The following MAP4 variants were observed in gnomAD, a reference collection of about 807,000 sequenced individuals.
MAP4 encodes microtubule associated protein 4.
In MAP4, 76 loss-of-function variants were observed where a neutral mutation model predicts 170.2. The ratio of observed to expected loss-of-function variants is 0.45; its 90% CI spans 0.37 to 0.54. The LOEUF (loss-of-function observed/expected upper bound fraction) is 0.54. Among genes scored for constraint, MAP4 ranks in the 20% least tolerant of loss-of-function variants. The probability of loss-of-function intolerance (pLI) is 0.00; values close to 1 mark genes in which losing one functional copy is unlikely to be tolerated. For missense variants in MAP4, 2,506 were observed against 2,748.0 expected, an observed-to-expected ratio of 0.91 and a Z score of 1.97; for synonymous variants, 909 against 994.5, an observed-to-expected ratio of 0.91 and a Z score of 1.62.
At chr3:48,075,393 T>C (rs1288582999) in intron 1 of MAP4, among the ~76,000 whole-genome samples, 2 of 151,678 alleles carry the variant, frequency 1.3e-5, no homozygotes, top group Non-Finnish European at 2.9e-5. Context: ...GGTGTGGTGG[T>C]GCATGCCTGT....
At chr3:47,997,268 GA>G (rs1264743807) in intron 2 of MAP4, among the ~76,000 whole-genome samples, 2 of 93,010 alleles carry the variant, frequency 2.2e-5, no homozygotes, top group East Asian at 5.8e-4. Flanking sequence ...AAGAAGCTCA[GA>G]AAAGCCCAAG....
chr3:48,004,311 G>C (rs1184781185), intron 1 of MAP4, among the ~76,000 whole-genome samples: 1 of 152,162 alleles, frequency 6.6e-6, no homozygotes, highest in African/African-American at 2.4e-5. Context: ...ACTATTTAGA[G>C]AGTTATGCAA....
At chr3:48,073,252 T>TACACACACACAC (rs35163339) in intron 1 of MAP4, among the ~76,000 whole-genome samples, 2 of 134,480 alleles carry the variant, frequency 1.5e-5, no homozygotes, top group Non-Finnish European at 3.1e-5. Context: ...TCCAAAGGAA[T>TACACACACACAC]ACACACACAC....
chr3:48,073,248 G>C (rs1323445969), intron 1 of MAP4, among the ~76,000 whole-genome samples: 1 of 123,554 alleles, frequency 8.1e-6, no homozygotes, highest in Non-Finnish European at 1.6e-5. Context: ...GAAATCCAAA[G>C]GAATACACAC....
At chr3:47,862,553 C>T (rs2069171317) in intron 17 of MAP4, among the ~76,000 whole-genome samples, 1 of 152,056 alleles carries the variant, frequency 6.6e-6, no homozygotes, top group African/African-American at 2.4e-5. Context: ...TCTTGCCTCA[C>T]TGCAACCTCT....
intron 10 of MAP4, among the ~76,000 whole-genome samples, chr3:47,894,509 C>T (rs1243786044): frequency 2.6e-5 from 4 of 151,798 alleles, no homozygotes; most frequent in African/African-American, 7.2e-5. Context: ...CGTGAACCCA[C>T]GAGGCGGAGC....
At chr3:47,906,084 CAAA>C (rs536980998) in intron 9 of MAP4, among the ~76,000 whole-genome samples, 1 of 129,302 alleles carries the variant, frequency 7.7e-6, no homozygotes. Context: ...TACACATAAC[CAAA>C]AAAAAAAAAA....
At position 48,076,423 on chromosome 3, in the gene MAP4, A is replaced by G. The variant is rs1434580429; in HGVS notation, c.-20+12350T>C. On this transcript the variant is annotated intron_variant, in intron 1 of 18. Transcript: ENST00000360240. The stretch of plus-strand genomic sequence containing the variant: ...AGGCTGAGGCAGGAGAATGGCATGA[A>G]CCCGGGAGGTGGAGCTTACAGTGAG... Among the ~76,000 whole-genome samples the G allele has an allele frequency of 2.0e-5, 3 of 151,556 alleles. No individual in the cohort carries two copies. In the South Asian group the frequency reaches 6.2e-4, roughly 32 times the overall value.
Position 47,911,491 on chromosome 3 carries a change from A to T in MAP4, c.2930T>A (p.Ile977Lys). Residue 977 changes from isoleucine to lysine, a missense_variant, in exon 9 of 21, where the codon ATA (isoleucine) becomes AAA (lysine). By Grantham distance (102) the Ile-to-Lys change is moderately radical. Around this residue, in one of 3 missense-constraint regions of MAP4, gnomAD observed 2,008 missense variants for 2,206.0 expected, o/e 0.91. Coordinates refer to ENST00000683076, the MANE Select transcript of MAP4 (RefSeq NM_001385682.1). This position sits in a 1 kb window ranked among gnomAD's most constrained non-coding sequence, Gnocchi z 4.0. ...ATTACATTCTAATGGATTACTTGCT[A>T]TCAAAGTGGGTACCAAATTTGGTAT... is the stretch of plus-strand genomic sequence containing the variant. ...KEIPNLVPTL[I>K]ASNPLECNLK... 3 of 1,535,962 alleles carry T rather than the reference A, an allele frequency of 2.0e-6. No individual in the cohort carries two copies. Among genetic ancestry groups the T allele is most frequent in the Non-Finnish European group, 2.6e-6 (3 of 1,146,846 alleles).
rs2100036115 is a variant in MAP4, at chr3:47,911,860, A to G, written c.2561T>C (p.Leu854Pro). Residue 854 changes from leucine (L) to proline (P), a missense_variant, in exon 9 of 21, where the codon CTC becomes CCC. By Grantham distance (98) the Leu-to-Pro change is moderately conservative (BLOSUM62 -3). Transcript: ENST00000683076. This position sits in a 1 kb window ranked among gnomAD's most constrained non-coding sequence, Gnocchi z 4.0. Reference protein sequence around the residue: ...LVAENFVSESLRIPLYPSEEA... With the variant: ...LVAENFVSESPRIPLYPSEEA... ...TTCAGAAGGATATAAAGGAATTCTGAGACTCTCTGAGACAAAGTTCTCAGC... is the reference window on the plus strand; with the variant it reads ...TTCAGAAGGATATAAAGGAATTCTGGGACTCTCTGAGACAAAGTTCTCAGC... The G allele has an allele frequency of 8.5e-6, 13 of 1,536,150 alleles. No homozygotes were observed. Among genetic ancestry groups the G allele is most frequent in the Non-Finnish European group, 1.1e-5 (13 of 1,146,918 alleles).
At position 48,000,761 on chromosome 3, in the gene MAP4, T is replaced by C. The variant is rs1310572063; in HGVS notation, c.-19-1882A>G. ...TACACAGTCTTTCTCCAACCCAAAC[T>C]TGAAAAAGTAAAAATATACTATGAT... is the stretch of plus-strand genomic sequence containing the variant. On this transcript the variant is annotated intron_variant, in intron 1 of 20. Transcript: ENST00000683076. Among the ~76,000 whole-genome samples the C allele has an allele frequency of 3.3e-5, 5 of 152,296 alleles. No individual in the cohort carries two copies. In the South Asian group the frequency reaches 1.0e-3, roughly 32 times the overall value.
chr3:47,951,535 G>A (rs1421943892), intron 3 of MAP4, among the ~76,000 whole-genome samples: 1 of 152,212 alleles, frequency 6.6e-6, no homozygotes, highest in Non-Finnish European at 1.5e-5. Flanking sequence ...TTTTTTTGGT[G>A]GAGACAGGGT....
At chr3:47,890,591 C>A (rs2098384131) in intron 10 of MAP4, among the ~76,000 whole-genome samples, 1 of 151,966 alleles carries the variant, frequency 6.6e-6, no homozygotes, top group Non-Finnish European at 1.5e-5. Context: ...TATAAAGTGA[C>A]AGATTTTCAA....
Position 47,911,416 on chromosome 3 carries a change from T to G in MAP4, c.3005A>C (p.Lys1002Thr), listed in dbSNP as rs898376395. 5 of 1,536,066 alleles carry G rather than the reference T, an allele frequency of 3.3e-6. No individual in the cohort carries two copies. In the African/African-American group the frequency reaches 6.8e-5, roughly 21 times the overall value. The change falls in exon 9 of 21, where the codon AAA becomes ACA. Residue 1002 changes from lysine to threonine, a missense_variant. Physicochemically the swap from Lys to Thr is moderately conservative, Grantham distance 78. This residue lies in a region of MAP4 where 2,008 missense variants were observed against 2,206.0 expected (regional missense o/e 0.91). Transcript: ENST00000683076. The surrounding 1 kb of genome is among the most constrained non-coding windows in gnomAD (Gnocchi z 4.0). ...ESKMTKLQNV[K>T]LKEFPEGAEE... ...AGCTCCTTCAGGAAACTCCTTCAGT[T>G]TGACATTCTGCAGTTTAGTCATTTT...
chr3:47,955,561 T>C lies in MAP4; in HGVS notation c.292+22304A>G, dbSNP rs1295697853. On this transcript the variant is annotated intron_variant, in intron 3 of 20. Coordinates refer to ENST00000683076, the MANE Select transcript of MAP4 (RefSeq NM_001385682.1). ...ATACGTTAGATGCTTTAGTAAGACA[T>C]ATACAAAGTAGTTGATGCGAGATAA... Among the ~76,000 whole-genome samples, 8 of 151,978 alleles carry C rather than the reference T, an allele frequency of 5.3e-5. No individual in the cohort carries two copies. In the East Asian group the frequency reaches 1.5e-3, roughly 29 times the overall value.
At chr3:47,897,982 A>G (rs2100027939) in intron 10 of MAP4, among the ~76,000 whole-genome samples, 1 of 151,282 alleles carries the variant, frequency 6.6e-6, no homozygotes, top group Admixed American at 6.6e-5. Flanking sequence ...GTCCTGCTTT[A>G]ATTATGCAAA....
chr3:47,993,816 T>C (rs567767230), intron 2 of MAP4, among the ~76,000 whole-genome samples: 8 of 152,342 alleles, frequency 5.3e-5, no homozygotes, highest in Non-Finnish European at 8.8e-5. Flanking sequence ...GTCTGTTGAC[T>C]TTCTGGAGAG....
chr3:47,950,314 T>A (rs2100062879), intron 3 of MAP4, among the ~76,000 whole-genome samples: 1 of 152,184 alleles, frequency 6.6e-6, no homozygotes. Context: ...CCAGAACTGG[T>A]ACAAAAAGTA....
At chr3:47,903,270 AC>A (rs2100031099) in intron 9 of MAP4, among the ~76,000 whole-genome samples, 1 of 152,164 alleles carries the variant, frequency 6.6e-6, no homozygotes, top group Admixed American at 6.5e-5. Flanking sequence ...GCGGTGGCTC[AC>A]CCTTGTAATC....
Sources: gnomAD v4.1 joint callset for allele counts (sites outside exome capture counted in the v4.1 genomes callset) on GRCh38, gnomAD v4.1.1 for gene constraint, gnomAD v4.1.1 regional missense constraint, Gnocchi (gnomAD v3.1) non-coding constraint, MANE v1.5 for transcripts, NCBI Gene and HGNC (gene_info 2026-07-23, HGNC 2026-07-21) for gene names.